The following BIN3 variants were observed in gnomAD, a reference collection of about 807,000 sequenced individuals.
BIN3 encodes the protein bridging integrator 3.
A neutral mutation model predicts 38.2 loss-of-function variants in BIN3; 41 were observed. That is an observed-to-expected ratio of 1.07 (90% confidence interval 0.84 to 1.39). The LOEUF (loss-of-function observed/expected upper bound fraction) is 1.39, where lower values mean the gene tolerates loss of function less well. BIN3 is among the 40% of genes most tolerant of loss of function. The pLI is 0.00. For synonymous variants in BIN3, 145 were observed against 122.6 expected (o/e 1.18, Z -1.21); for missense variants, 361 against 324.3 (o/e 1.11, Z -0.87).
Position 22,621,073 on chromosome 8 carries a change from C to A in BIN3, c.*349G>T. 1 of 222,262 alleles carries A rather than the reference C, an allele frequency of 4.5e-6. No individual in the cohort carries two copies. The highest frequency in any genetic ancestry group is 1.1e-4 in the East Asian group (1 of 8,740). 13.8% of individuals were successfully genotyped at this position (222,262 alleles called of 1,614,324 possible). ...CTTTTGGAGGTAGATTTGATGCCCA[C>A]AACGCATGCAAGGCTAAGACCCCCA... is the stretch of plus-strand genomic sequence containing the variant. On this transcript the variant is annotated 3_prime_UTR_variant, in exon 9 of 9. Transcript: ENST00000276416.
intron 8 of BIN3, 72 bp from the exon 9 acceptor site, chr8:22,621,640 C>A: frequency 6.9e-7 from 1 of 1,455,530 alleles, no homozygotes; most frequent in Admixed American, 1.7e-5. Flanking sequence ...CAGAGGCTCA[C>A]ACTTCTCTGC....
intron 6 of BIN3, chr8:22,625,587 T>C: frequency 1.7e-6 from 1 of 600,236 alleles, no homozygotes; most frequent in Non-Finnish European, 3.0e-6. Context: ...TCAAAGGACA[T>C]GACCAGGAAT....
At chr8:22,657,612 A>T (rs1236349006) in intron 1 of BIN3, among the ~76,000 whole-genome samples, 1 of 152,260 alleles carries the variant, frequency 6.6e-6, no homozygotes, top group Non-Finnish European at 1.5e-5. Context: ...CCACTCTGCC[A>T]GAGAAGTCGG....
chr8:22,630,646 C>T, intron 4 of BIN3, 68 bp from the exon 5 acceptor site: 1 of 1,578,614 alleles, frequency 6.3e-7, no homozygotes, highest in Non-Finnish European at 8.6e-7. Flanking sequence ...TCTCCAGGAC[C>T]CCGTCCTCCT....
intron 1 of BIN3, among the ~76,000 whole-genome samples, chr8:22,657,211 A>C (rs1309960534): frequency 6.6e-6 from 1 of 152,236 alleles, no homozygotes; most frequent in Non-Finnish European, 1.5e-5. Context: ...GACTAAAATA[A>C]GCGCATTGCC....
intron 1 of BIN3, among the ~76,000 whole-genome samples, chr8:22,652,483 G>T (rs182484701): frequency 6.6e-6 from 1 of 152,186 alleles, no homozygotes; most frequent in Non-Finnish European, 1.5e-5. Context: ...GCCTGCGTGT[G>T]CATGTATGTG....
chr8:22,654,318 T>G (rs937638674), intron 1 of BIN3, among the ~76,000 whole-genome samples: 2 of 152,246 alleles, frequency 1.3e-5, no homozygotes, highest in Middle Eastern at 3.2e-3. Context: ...CAATCTGTCA[T>G]CTTTACTCAG....
chr8:22,648,203 C>T (rs902375934), intron 1 of BIN3, among the ~76,000 whole-genome samples: 4 of 151,956 alleles, frequency 2.6e-5, no homozygotes, highest in African/African-American at 9.7e-5. Flanking sequence ...GTTGCCCACC[C>T]TCAGTTTCCC....
At chr8:22,628,478 G>A (rs1387060522) in intron 6 of BIN3, among the ~76,000 whole-genome samples, 1 of 152,206 alleles carries the variant, frequency 6.6e-6, no homozygotes, top group Non-Finnish European at 1.5e-5. Context: ...GCAGGCCTGA[G>A]GGCTCATGCA....
At chr8:22,653,636 C>A (rs1164209192) in intron 1 of BIN3, among the ~76,000 whole-genome samples, 1 of 152,166 alleles carries the variant, frequency 6.6e-6, no homozygotes, top group Non-Finnish European at 1.5e-5. Context: ...CCCAAAAAAG[C>A]CTGGGCTACC....
At chr8:22,646,347 C>T (rs1205879490) in intron 1 of BIN3, among the ~76,000 whole-genome samples, 1 of 152,262 alleles carries the variant, frequency 6.6e-6, no homozygotes, top group Middle Eastern at 3.4e-3. Flanking sequence ...TCAAACCTCC[C>T]GTTTCCACAA....
chr8:22,649,859 C>CACACACACA (rs1563973928), intron 1 of BIN3, among the ~76,000 whole-genome samples: 17 of 133,572 alleles, frequency 1.3e-4, no homozygotes, highest in South Asian at 2.3e-4. Context: ...ACACACACAC[C>CACACACACA]CCCAAAGGAA....
At chr8:22,666,182 A>T (rs1041892599) in intron 1 of BIN3, among the ~76,000 whole-genome samples, 3 of 152,040 alleles carry the variant, frequency 2.0e-5, no homozygotes, top group Non-Finnish European at 4.4e-5. Flanking sequence ...GTTCAACAGG[A>T]GGCTACAATT....
rs1801760843 is a variant in BIN3 at position 22,620,741 on chromosome 8, A to AAAT, written c.*678_*680dup. The AAAT allele has an allele frequency of 6.6e-6, 1 of 152,230 alleles. No individual in the cohort carries two copies. The highest frequency in any genetic ancestry group is 1.5e-5 in the Non-Finnish European group (1 of 68,038). The allele number at this position is 152,230 out of a possible 1,614,324, so 9.4% of individuals were successfully genotyped here. A position where few individuals can be genotyped will look rare whatever the true frequency, so the allele number is the denominator to read the frequency against. ...GTTTCATTGAAAATTTTACTTGAAA[A>AAAT]AATAAAATTCCAGATACTCAGGTGA... On this transcript the variant is annotated 3_prime_UTR_variant, in exon 9 of 9. Coordinates refer to ENST00000276416, the MANE Select transcript of BIN3 (RefSeq NM_018688.6).
chr8:22,632,647 T>A (rs905835739), intron 4 of BIN3, among the ~76,000 whole-genome samples: 5 of 151,194 alleles, frequency 3.3e-5, no homozygotes, highest in South Asian at 2.1e-4. Context: ...CTTAAAAAAA[T>A]ATCTGAGGAA....
At chr8:22,636,186 T>C (rs1297056047) in intron 4 of BIN3, among the ~76,000 whole-genome samples, 1 of 152,180 alleles carries the variant, frequency 6.6e-6, no homozygotes, top group Non-Finnish European at 1.5e-5. Flanking sequence ...CGGGAAGGAA[T>C]GTGCTTCCCT....
intron 1 of BIN3, 148 bp from the exon 2 acceptor site, chr8:22,644,951 T>C: frequency 1.5e-6 from 1 of 659,514 alleles, no homozygotes; most frequent in Non-Finnish European, 2.7e-6. Context: ...CTGGTGGGCA[T>C]ACAACCATTG....
At chr8:22,644,825 A>G in intron 1 of BIN3, 22 bp from the exon 2 acceptor site, 1 of 1,603,074 alleles carries the variant, frequency 6.2e-7, no homozygotes, top group African/African-American at 1.3e-5. Context: ...AGAGACAAAG[A>G]GAGATATTGT....
intron 6 of BIN3, 26 bp downstream of exon 6, chr8:22,629,938 G>A (rs575462175): frequency 6.9e-6 from 11 of 1,593,096 alleles, no homozygotes; most frequent in African/African-American, 2.7e-5. Flanking sequence ...TAAGTGCCCC[G>A]AGGCCCCCAG....
Sources: gnomAD v4.1 joint callset for allele counts (sites outside exome capture counted in the v4.1 genomes callset) on GRCh38, gnomAD v4.1.1 for gene constraint, MANE v1.5 for transcripts, NCBI Gene and HGNC (gene_info 2026-07-23, HGNC 2026-07-21) for gene names.